Variants in CRAMP1 observed in about 807,000 individuals in gnomAD.
The protein encoded by CRAMP1 is cramped chromatin regulator 1, also known as protein cramped-like.
Under a neutral mutation model 115.4 loss-of-function variants are expected in CRAMP1, and 50 were observed. The observed-to-expected ratio is 0.43, with a 90% confidence interval of 0.35 to 0.55. CRAMP1 has a LOEUF of 0.55. Ranked by LOEUF, CRAMP1 falls within the 20% of genes least tolerant of loss-of-function variation. The pLI is 0.01. For synonymous variants in CRAMP1, 866 were observed against 745.4 expected (o/e 1.16, Z -2.64); for missense variants, 1,679 against 1,721.7 (o/e 0.98, Z 0.44).
In CRAMP1 at chr16:1,637,020, C is replaced by T. The variant is rs191393501; in HGVS notation, c.695-804C>T. Among the ~76,000 whole-genome samples the T allele has an allele frequency of 5.9e-5, 9 of 152,244 alleles. No homozygotes were observed. The South Asian group carries it at 1.7e-3, about 28-fold the overall frequency. ...ATAAAACAGGGGCCTTGGCTGGGCA[C>T]GGTGGCTCATGCCTGTAATCCCAGC... is the stretch of plus-strand genomic sequence containing the variant. On this transcript the variant is annotated intron_variant, in intron 4 of 20. Transcript: ENST00000397412.
chr16:1,622,116 C>T (rs148482417), intron 2 of CRAMP1, among the ~76,000 whole-genome samples: 3 of 152,250 alleles, frequency 2.0e-5, no homozygotes, highest in East Asian at 3.9e-4. Flanking sequence ...CTCAGTGAGC[C>T]GAGGTCAAGC....
In CRAMP1 at chr16:1,675,949, AAGG is replaced by A. The variant is rs1402374866; in HGVS notation, c.*1907_*1909del. The A allele has an allele frequency of 6.6e-6, 1 of 152,204 alleles. No individual in the cohort carries two copies. The highest frequency in any genetic ancestry group is 2.4e-5 in the African/African-American group (1 of 41,432). 9.4% of individuals were successfully genotyped at this position (152,204 alleles called of 1,614,324 possible). On this transcript the variant is annotated 3_prime_UTR_variant, in exon 21 of 21. Transcript: ENST00000397412. ...AGCATCTCATTGAGCCAGAGAAGACAAGGAGATCTCCCTCTGGGCATCTGGCTT... is the reference window on the plus strand; with the variant it reads ...AGCATCTCATTGAGCCAGAGAAGACAAGATCTCCCTCTGGGCATCTGGCTT...
chr16:1,675,088 ATTT>A lies in CRAMP1; in HGVS notation c.*1044_*1046del, dbSNP rs2036956074. Reference sequence around the variant, plus strand: ...CTTGAGACTTCTGTGTCTCCTTCCCATTTGGGACACCCAGGTGAGGGCCCAGAC... The same window carrying A: ...CTTGAGACTTCTGTGTCTCCTTCCCAGGGACACCCAGGTGAGGGCCCAGAC... On this transcript the variant is annotated 3_prime_UTR_variant, in exon 21 of 21. Transcript: ENST00000397412. 6.6e-6 allele frequency: 1 copy of A among 152,140 alleles called. No individual in the cohort carries two copies. Among genetic ancestry groups the A allele is most frequent in the Admixed American group, 6.5e-5 (1 of 15,270 alleles). The allele number at this position is 152,140 out of a possible 1,614,324, so 9.4% of individuals were successfully genotyped here. A position where few individuals can be genotyped will look rare whatever the true frequency, so the allele number is the denominator to read the frequency against.
At chr16:1,645,211 G>A (rs1034520827) in intron 6 of CRAMP1, among the ~76,000 whole-genome samples, 3 of 151,962 alleles carry the variant, frequency 2.0e-5, no homozygotes, top group Non-Finnish European at 4.4e-5. Context: ...GTTTGAGATG[G>A]AGTCTTGCTC....
At position 1,671,457 on chromosome 16, in the gene CRAMP1, C is replaced by G. The variant is rs558128900; in HGVS notation, c.3645+648C>G. ...CTGGTTGTAGCCCTCAAGGCGTCCA[C>G]CACATGGTTTGTGTGGCATTCGTGG... On this transcript the variant is annotated intron_variant, in intron 20 of 20. Transcript: ENST00000397412. This position sits in a 1 kb window ranked among gnomAD's most constrained non-coding sequence, Gnocchi z 5.0. Among the ~76,000 whole-genome samples, 84 of 152,344 alleles carry G rather than the reference C, an allele frequency of 5.5e-4. No homozygotes were observed. Among genetic ancestry groups the G allele is most frequent in the African/African-American group, 1.9e-3 (81 of 41,570 alleles).
At chr16:1,617,135 T>C (rs926434542) in intron 2 of CRAMP1, among the ~76,000 whole-genome samples, 1 of 152,198 alleles carries the variant, frequency 6.6e-6, no homozygotes, top group African/African-American at 2.4e-5. Context: ...CAAGCAAATA[T>C]ATCTTTAAGC....
At position 1,665,945 on chromosome 16, in the gene CRAMP1, G is replaced by A. The variant is rs117267552; in HGVS notation, c.2753-128G>A. 1,781 of 650,378 alleles carry A rather than the reference G, an allele frequency of 2.7e-3. 7 individuals carry two copies. The highest frequency in any genetic ancestry group is 4.4e-3 in the Non-Finnish European group (1,601 of 361,468). The allele number at this position is 650,378 out of a possible 1,614,324, so 40.3% of individuals were successfully genotyped here. On this transcript the variant is annotated intron_variant, in intron 14 of 20. Coordinates refer to ENST00000397412, the MANE Select transcript of CRAMP1 (RefSeq NM_020825.4). ...CATGTTAGCATTTGGAATGTTCAGT[G>A]GCTTCCAGCTTGGCTCGGCTCCCAC... is the stretch of plus-strand genomic sequence containing the variant.
chr16:1,642,073 T>G (rs1033578736), intron 6 of CRAMP1, among the ~76,000 whole-genome samples: 3 of 152,194 alleles, frequency 2.0e-5, no homozygotes, highest in African/African-American at 7.2e-5. Context: ...CTGACTGCTC[T>G]CAGTTCACTG....
At chr16:1,653,974 T>C (rs1336118003) in intron 8 of CRAMP1, among the ~76,000 whole-genome samples, 1 of 151,022 alleles carries the variant, frequency 6.6e-6, no homozygotes, top group Non-Finnish European at 1.5e-5. Context: ...ACCCTGTCTC[T>C]ACTAAAAATA....
Position 1,614,714 on chromosome 16 carries a change from G to T in CRAMP1, c.75G>T (p.Glu25Asp). Reference protein sequence around the residue: ...LKKLGKRAADEESLEGEGAGG... With the variant: ...LKKLGKRAADDESLEGEGAGG... Reference sequence around the variant, plus strand: ...AGCTGGGCAAGCGGGCGGCCGATGAGGAGTCCCTGGAAGGAGAAGGGGCCG... The same window carrying T: ...AGCTGGGCAAGCGGGCGGCCGATGATGAGTCCCTGGAAGGAGAAGGGGCCG... The change falls in exon 2 of 21, where the codon GAG becomes GAT. Residue 25 changes from glutamate to aspartate, a missense_variant. Physicochemically the swap from Glu to Asp is conservative, Grantham distance 45 (BLOSUM62 2). Transcript: ENST00000397412. The surrounding 1 kb of genome is among the most constrained non-coding windows in gnomAD (Gnocchi z 4.4). 1 of 1,351,056 alleles carries T rather than the reference G, an allele frequency of 7.4e-7. No homozygotes were observed. The allele number at this position is 1,351,056 out of a possible 1,614,324, so 83.7% of individuals were successfully genotyped here.
chr16:1,657,568 CAG>C (rs1382514801), intron 10 of CRAMP1, among the ~76,000 whole-genome samples: 2 of 152,238 alleles, frequency 1.3e-5, no homozygotes, highest in Non-Finnish European at 2.9e-5. Context: ...GTGGCAAAGT[CAG>C]AGGCTGTCAC....
intron 11 of CRAMP1, among the ~76,000 whole-genome samples, chr16:1,661,015 A>T (rs2036824403): frequency 1.4e-5 from 2 of 144,424 alleles, no homozygotes; most frequent in African/African-American, 4.9e-5. Context: ...TCTCAAAAAC[A>T]AAAAAAAACA....
intron 2 of CRAMP1, among the ~76,000 whole-genome samples, chr16:1,619,116 C>T (rs889992858): frequency 1.3e-5 from 2 of 152,152 alleles, no homozygotes; most frequent in Non-Finnish European, 2.9e-5. Context: ...AAATTAACAT[C>T]GTTGTATAAA....
intron 2 of CRAMP1, among the ~76,000 whole-genome samples, chr16:1,619,203 C>T (rs1300197071): frequency 3.9e-5 from 6 of 152,162 alleles, no homozygotes; most frequent in African/African-American, 7.2e-5. Flanking sequence ...GTTTTTGAGA[C>T]GGAGTCTCAT....
At chr16:1,620,171 C>T (rs1161083122) in intron 2 of CRAMP1, among the ~76,000 whole-genome samples, 1 of 152,166 alleles carries the variant, frequency 6.6e-6, no homozygotes, top group East Asian at 1.9e-4. Context: ...GCTGCTGGCA[C>T]CAGCATCTGA....
chr16:1,660,167 G>T (rs983397949), intron 11 of CRAMP1, 104 bp downstream of exon 11: 5 of 991,090 alleles, frequency 5.0e-6, no homozygotes, highest in Non-Finnish European at 7.1e-6. Context: ...CCTGAGGCCG[G>T]ACCCCACTGG....
intron 3 of CRAMP1, among the ~76,000 whole-genome samples, chr16:1,626,911 G>A (rs753631674): frequency 4.6e-5 from 7 of 152,068 alleles, no homozygotes; most frequent in Admixed American, 6.5e-5. Flanking sequence ...TACTGTCTGC[G>A]GCTGATGCCA....
rs2036400848 is a variant in CRAMP1, at chr16:1,614,635, G to T, written c.-1-4G>T. On this transcript the variant is annotated splice_polypyrimidine_tract_variant and splice_region_variant and intron_variant, in intron 1 of 20. Transcript: ENST00000397412. This position sits in a 1 kb window ranked among gnomAD's most constrained non-coding sequence, Gnocchi z 4.4. ...ACCGGCCGCCTCCCCTCTCCCGGCC[G>T]CAGGATGACAGTGAAGTTGGGCGAC... 2 of 1,245,356 alleles carry T rather than the reference G, an allele frequency of 1.6e-6. No homozygotes were observed. Among genetic ancestry groups the T allele is most frequent in the African/African-American group, 1.6e-5 (1 of 63,766 alleles). The allele number at this position is 1,245,356 out of a possible 1,614,324, so 77.1% of individuals were successfully genotyped here.
chr16:1,672,768 G>A lies in CRAMP1; in HGVS notation c.3646-1113G>A, dbSNP rs186642182. Reference sequence around the variant, plus strand: ...CTAGAGCAGGACGCAGACAATAAGCGCTGAAAACGGCACATTCTACGTATT... The same window carrying A: ...CTAGAGCAGGACGCAGACAATAAGCACTGAAAACGGCACATTCTACGTATT... On this transcript the variant is annotated intron_variant, in intron 20 of 20. Transcript: ENST00000397412. The surrounding 1 kb of genome is among the most constrained non-coding windows in gnomAD (Gnocchi z 4.9). Among the ~76,000 whole-genome samples, 13 of 152,230 alleles carry A rather than the reference G, an allele frequency of 8.5e-5. No individual in the cohort carries two copies. The highest frequency in any genetic ancestry group is 4.2e-4 in the South Asian group (2 of 4,814).
Sources: gnomAD v4.1 joint callset for allele counts (sites outside exome capture counted in the v4.1 genomes callset) on GRCh38, gnomAD v4.1.1 for gene constraint, Gnocchi (gnomAD v3.1) non-coding constraint, MANE v1.5 for transcripts, NCBI Gene and HGNC (gene_info 2026-07-23, HGNC 2026-07-21) for gene names.